The following KAZN variants were observed in gnomAD, a reference collection of about 807,000 sequenced individuals.
KAZN encodes kazrin.
In KAZN, 40 loss-of-function variants were observed where a neutral mutation model predicts 87.4. The ratio of observed to expected loss-of-function variants is 0.46; its 90% CI spans 0.36 to 0.60. KAZN has a LOEUF of 0.60. Among genes scored for constraint, KAZN ranks in the 20% least tolerant of loss-of-function variants. The pLI is 0.00. For missense variants in KAZN, 898 were observed against 1,073.9 expected (o/e 0.84, Z 2.29); for synonymous variants, 466 against 458.3 (o/e 1.02, Z -0.22).
intron 8 of KAZN, among the ~76,000 whole-genome samples, chr1:15,085,086 G>A (rs1393015047): frequency 7.9e-5 from 12 of 152,036 alleles, no homozygotes; most frequent in Admixed American, 1.3e-4. Context: ...ATGAATAAAA[G>A]GGTGGGTTAA....
intron 2 of KAZN, among the ~76,000 whole-genome samples, chr1:14,557,770 C>T (rs78762013): frequency 3.0e-4 from 45 of 151,966 alleles, no homozygotes; most frequent in African/African-American, 1.1e-3. Context: ...AATTGGCAAG[C>T]TGGAGAGCCC....
intron 2 of KAZN, among the ~76,000 whole-genome samples, chr1:14,247,627 C>G (rs1649633500): frequency 6.6e-6 from 1 of 152,282 alleles, no homozygotes; most frequent in East Asian, 1.9e-4. Context: ...TGTGTTTTCT[C>G]ACATTTTAGG....
chr1:14,438,797 G>T (rs1204779551), intron 2 of KAZN, among the ~76,000 whole-genome samples: 1 of 152,226 alleles, frequency 6.6e-6, no homozygotes, highest in Non-Finnish European at 1.5e-5. Context: ...GGCTCACGAT[G>T]AGCTTCCTAA....
At chr1:14,493,360 G>A (rs1457915189) in intron 2 of KAZN, among the ~76,000 whole-genome samples, 1 of 152,216 alleles carries the variant, frequency 6.6e-6, no homozygotes, top group African/African-American at 2.4e-5. Flanking sequence ...TGGTTCTACA[G>A]AATGACTTGG....
intron 1 of KAZN, among the ~76,000 whole-genome samples, chr1:14,759,816 C>T (rs1346356886): frequency 3.3e-5 from 5 of 152,108 alleles, no homozygotes; most frequent in Non-Finnish European, 5.9e-5. Flanking sequence ...CAGACAATAC[C>T]GTCCAGATCC....
intron 1 of KAZN, among the ~76,000 whole-genome samples, chr1:14,757,106 G>C (rs1200565276): frequency 2.0e-5 from 3 of 152,200 alleles, no homozygotes; most frequent in Middle Eastern, 3.2e-3. Flanking sequence ...GGATTTCAAG[G>C]CCAGTGACTC....
intron 1 of KAZN, among the ~76,000 whole-genome samples, chr1:14,605,767 A>T (rs1228942019): frequency 2.0e-5 from 3 of 152,192 alleles, no homozygotes; most frequent in Non-Finnish European, 4.4e-5. Context: ...GACCTGCACA[A>T]TTCAAACCTA....
chr1:14,883,307 AG>A (rs1242116619), intron 1 of KAZN, among the ~76,000 whole-genome samples: 1,451 of 52,504 alleles, frequency 0.028, 147 homozygotes, highest in African/African-American at 0.066. Flanking sequence ...AAAGAAAGAA[AG>A]AAAGAAAGAA....
chr1:14,192,399 GAA>G (rs1334089694), intron 2 of KAZN, among the ~76,000 whole-genome samples: 2 of 152,074 alleles, frequency 1.3e-5, no homozygotes, highest in Non-Finnish European at 2.9e-5. Flanking sequence ...CTGGTCACTT[GAA>G]ATTAAGCTCC....
At chr1:14,023,460 GC>G (rs2101273858) in intron 1 of KAZN, among the ~76,000 whole-genome samples, 1 of 152,222 alleles carries the variant, frequency 6.6e-6, no homozygotes, top group African/African-American at 2.4e-5. Context: ...TTCCATTTCT[GC>G]AGATGAGGAA....
At chr1:14,848,824 C>T (rs1331944666) in intron 1 of KAZN, among the ~76,000 whole-genome samples, 1 of 152,220 alleles carries the variant, frequency 6.6e-6, no homozygotes, top group East Asian at 1.9e-4. Context: ...CGGGCTGCAC[C>T]AAGGCGGAGT....
chr1:14,742,086 G>A (rs1392955987), intron 1 of KAZN, among the ~76,000 whole-genome samples: 1 of 152,172 alleles, frequency 6.6e-6, no homozygotes, highest in African/African-American at 2.4e-5. Flanking sequence ...TTGTCCCAGT[G>A]TGGACAGCAC....
intron 2 of KAZN, among the ~76,000 whole-genome samples, chr1:14,402,098 A>G (rs1663461382): frequency 6.6e-6 from 1 of 151,846 alleles, no homozygotes; most frequent in African/African-American, 2.4e-5. Flanking sequence ...TAAAAAAAAA[A>G]AAGAGAACAT....
chr1:13,913,787 C>T (rs1378669030), intron 1 of KAZN, among the ~76,000 whole-genome samples: 1 of 152,216 alleles, frequency 6.6e-6, no homozygotes, highest in Non-Finnish European at 1.5e-5. Context: ...AAAACACAGG[C>T]TCTCAGCCCC....
intron 2 of KAZN, among the ~76,000 whole-genome samples, chr1:14,460,226 A>G (rs1382596393): frequency 6.6e-6 from 1 of 152,216 alleles, no homozygotes; most frequent in East Asian, 1.9e-4. Flanking sequence ...TCTGGGACAC[A>G]TAGTTCCCCT....
At position 15,114,477 on chromosome 1, in the gene KAZN, C is replaced by A; in HGVS notation, c.2170C>A (p.Leu724Met). ...CATATTCTTCTCTTCTCAGCTGCCC[C>A]TGGGGAAGATAGGAAGGGGCTTCAG... ...GLKYKAGRLP[L>M]GKIGRGFSSK... The change falls in exon 15 of 15, where the codon CTG becomes ATG. Residue 724 changes from leucine to methionine, a missense_variant. Leu to Met is a conservative substitution (Grantham distance 15). Around this residue, in one of 3 missense-constraint regions of KAZN, gnomAD observed 127 missense variants for 121.5 expected, o/e 1.04. Transcript: ENST00000376030. 1 of 1,610,210 alleles carries A rather than the reference C, an allele frequency of 6.2e-7. No homozygotes were observed. The highest frequency in any genetic ancestry group is 1.3e-5 in the African/African-American group (1 of 74,978).
At chr1:14,062,004 A>G (rs1379453688) in intron 1 of KAZN, among the ~76,000 whole-genome samples, 2 of 152,176 alleles carry the variant, frequency 1.3e-5, no homozygotes, top group East Asian at 1.9e-4. Flanking sequence ...TTGGGTGGTA[A>G]TGGAGTTACT....
chr1:14,465,929 C>A (rs917123932), intron 2 of KAZN, among the ~76,000 whole-genome samples: 4 of 152,130 alleles, frequency 2.6e-5, no homozygotes, highest in Non-Finnish European at 4.4e-5. Context: ...TGCACCTTTT[C>A]TATATTTAGG....
At chr1:13,989,430 A>G (rs1455698619) in intron 1 of KAZN, among the ~76,000 whole-genome samples, 1 of 152,192 alleles carries the variant, frequency 6.6e-6, no homozygotes, top group Non-Finnish European at 1.5e-5. Context: ...CAAGCATCAC[A>G]TGAGACCAAA....
Sources: allele counts gnomAD v4.1 joint callset (sites outside exome capture counted in the v4.1 genomes callset), GRCh38; gene constraint gnomAD v4.1.1; regional missense constraint gnomAD v4.1.1; transcripts MANE v1.5; gene names NCBI Gene and HGNC (gene_info 2026-07-23, HGNC 2026-07-21).